Variants in OPCML observed in about 807,000 individuals in gnomAD.
The protein encoded by OPCML is opioid-binding protein/cell adhesion molecule.
OPCML carries 13 observed loss-of-function variants against 37.8 expected under a neutral mutation model. The ratio of observed to expected loss-of-function variants is 0.34; its 90% CI spans 0.22 to 0.55. The LOEUF (loss-of-function observed/expected upper bound fraction) is 0.55. Ranked by LOEUF, OPCML falls within the 20% of genes least tolerant of loss-of-function variation. The pLI, the probability that OPCML is intolerant of heterozygous loss-of-function variation, is 0.91. For synonymous variants in OPCML, 176 were observed against 168.8 expected, an observed-to-expected ratio of 1.04 and a Z score of -0.33; for missense variants, 341 against 435.6, an observed-to-expected ratio of 0.78 and a Z score of 1.93.
At chr11:132,855,704 T>C (rs970337364) in intron 2 of OPCML, among the ~76,000 whole-genome samples, 2 of 152,166 alleles carry the variant, frequency 1.3e-5, no homozygotes, top group African/African-American at 4.8e-5. Flanking sequence ...AGTTGCAACC[T>C]CATCAGAGTG....
At chr11:132,977,184 C>A (rs1276231925) in intron 1 of OPCML, among the ~76,000 whole-genome samples, 2 of 152,152 alleles carry the variant, frequency 1.3e-5, no homozygotes, top group Non-Finnish European at 2.9e-5. Flanking sequence ...TGTCATTTGT[C>A]AGGTTCAATG....
chr11:133,496,025 T>C (rs12270154), intron 1 of OPCML, among the ~76,000 whole-genome samples: 14,251 of 152,268 alleles, frequency 0.094, 1,036 homozygotes, highest in African/African-American at 0.2. Flanking sequence ...AGAATTTTTA[T>C]AGTTTCACAT....
At chr11:132,907,719 C>A (rs919468014) in intron 2 of OPCML, among the ~76,000 whole-genome samples, 1 of 152,082 alleles carries the variant, frequency 6.6e-6, no homozygotes, top group Non-Finnish European at 1.5e-5. Flanking sequence ...ATGACCTTTA[C>A]CCTGACTGCT....
At chr11:133,050,629 A>G (rs1170530764) in intron 1 of OPCML, among the ~76,000 whole-genome samples, 1 of 152,006 alleles carries the variant, frequency 6.6e-6, no homozygotes, top group African/African-American at 2.4e-5. Context: ...CCATGGGCTC[A>G]CCATTTCCTG....
intron 4 of OPCML, among the ~76,000 whole-genome samples, chr11:132,450,371 C>A (rs1277597097): frequency 6.6e-6 from 1 of 152,206 alleles, no homozygotes; most frequent in East Asian, 1.9e-4. Context: ...GCCTGGACTG[C>A]AGGATCGTGG....
chr11:132,911,608 C>T (rs1944428999), intron 2 of OPCML, among the ~76,000 whole-genome samples: 1 of 152,160 alleles, frequency 6.6e-6, no homozygotes, highest in Admixed American at 6.5e-5. Flanking sequence ...AAGTGACTCT[C>T]CAGTCATACA....
At position 132,941,597 on chromosome 11, in the gene OPCML, T is replaced by C. The variant is rs143578542; in HGVS notation, c.146+1329A>G. Among the ~76,000 whole-genome samples, 117 of 152,332 alleles carry C rather than the reference T, an allele frequency of 7.7e-4. No homozygotes were observed. In the East Asian group the frequency reaches 0.015, roughly 20 times the overall value. On this transcript the variant is annotated intron_variant, in intron 2 of 7. Coordinates refer to ENST00000524381, the MANE Select transcript of OPCML (RefSeq NM_001012393.5). ...GCAATGAAGTAGGGATATTACATTC[T>C]AGTCTGGGGCAGGCTGAGTGGTACC...
intron 3 of OPCML, among the ~76,000 whole-genome samples, chr11:132,529,632 A>T (rs371011531): frequency 9.3e-4 from 142 of 152,306 alleles, no homozygotes; most frequent in African/African-American, 3.3e-3. Context: ...ACGCTGAGTT[A>T]GTTACTATTT....
chr11:132,496,204 C>T (rs888821626), intron 4 of OPCML, among the ~76,000 whole-genome samples: 10 of 152,198 alleles, frequency 6.6e-5, no homozygotes, highest in Non-Finnish European at 1.3e-4. Context: ...GCTGTCCTCC[C>T]TCTCTATGTT....
chr11:132,697,204 A>G (rs1943630473), intron 2 of OPCML, among the ~76,000 whole-genome samples: 1 of 152,236 alleles, frequency 6.6e-6, no homozygotes. Context: ...TGATATATGT[A>G]TACATTATGA....
At chr11:133,253,801 T>G (rs373009528) in intron 1 of OPCML, among the ~76,000 whole-genome samples, 1 of 143,672 alleles carries the variant, frequency 7.0e-6, no homozygotes, top group Non-Finnish European at 1.5e-5. Context: ...AGTTTCTTTT[T>G]TCCTTTTTCC....
intron 1 of OPCML, among the ~76,000 whole-genome samples, chr11:133,207,232 G>A (rs189975639): frequency 3.9e-5 from 6 of 152,018 alleles, no homozygotes; most frequent in South Asian, 2.1e-4. Flanking sequence ...CCCAGGAGGC[G>A]GAGCTTGTAG....
intron 2 of OPCML, among the ~76,000 whole-genome samples, chr11:132,750,570 G>C (rs867623263): frequency 1.2e-4 from 19 of 152,308 alleles, no homozygotes; most frequent in African/African-American, 3.9e-4. Context: ...AGTCAAGAAC[G>C]AGGAGAGACA....
chr11:132,514,795 G>A (rs1408386796), intron 4 of OPCML, among the ~76,000 whole-genome samples: 2 of 152,150 alleles, frequency 1.3e-5, no homozygotes, highest in African/African-American at 4.8e-5. Context: ...GGGAGAGAAA[G>A]AGGAGTGGGT....
At chr11:132,443,359 T>C (rs2096043142) in intron 4 of OPCML, among the ~76,000 whole-genome samples, 1 of 151,818 alleles carries the variant, frequency 6.6e-6, no homozygotes, top group Non-Finnish European at 1.5e-5. Flanking sequence ...CCAGTGGGAG[T>C]GGGCAGAGGG....
intron 1 of OPCML, among the ~76,000 whole-genome samples, chr11:133,089,774 A>T (rs1342197980): frequency 6.6e-6 from 1 of 152,114 alleles, no homozygotes; most frequent in Non-Finnish European, 1.5e-5. Flanking sequence ...CTAAAAAAAA[A>T]AACCCAGTGG....
At chr11:132,446,126 T>TA (rs2096054324) in intron 4 of OPCML, among the ~76,000 whole-genome samples, 3 of 147,418 alleles carry the variant, frequency 2.0e-5, no homozygotes, top group Non-Finnish European at 4.5e-5. Context: ...TTTTTTTTTT[T>TA]TTTTGAGATG....
At chr11:133,165,212 C>T (rs749106286) in intron 1 of OPCML, among the ~76,000 whole-genome samples, 6 of 152,192 alleles carry the variant, frequency 3.9e-5, no homozygotes, top group Non-Finnish European at 8.8e-5. Context: ...TTGGTGTAGG[C>T]AGATGGTCTG....
At chr11:133,436,002 A>G in intron 1 of OPCML, among the ~76,000 whole-genome samples, 1 of 152,218 alleles carries the variant, frequency 6.6e-6, no homozygotes, top group Non-Finnish European at 1.5e-5. Flanking sequence ...TCCAAAATAC[A>G]CATGTGCATT....
Sources: allele counts gnomAD v4.1 joint callset (sites outside exome capture counted in the v4.1 genomes callset), GRCh38; gene constraint gnomAD v4.1.1; transcripts MANE v1.5; gene names NCBI Gene and HGNC (gene_info 2026-07-23, HGNC 2026-07-21).